BIN3: variants seen among roughly 807,000 people sequenced by gnomAD.
BIN3 encodes the protein bridging integrator 3.
Under a neutral mutation model 38.2 loss-of-function variants are expected in BIN3, and 41 were observed. That is an observed-to-expected ratio of 1.07 (90% CI 0.84 to 1.39). The LOEUF is 1.39. Among genes scored for constraint, BIN3 ranks in the 40% most tolerant of loss-of-function variants. The pLI, the probability that BIN3 is intolerant of heterozygous loss-of-function variation, is 0.00. For synonymous variants in BIN3, 145 were observed against 122.6 expected (o/e 1.18, Z -1.21); for missense variants, 361 against 324.3 (o/e 1.11, Z -0.87).
chr8:22,628,356 G>A (rs1277662435), intron 6 of BIN3, among the ~76,000 whole-genome samples: 1 of 152,236 alleles, frequency 6.6e-6, no homozygotes, highest in Non-Finnish European at 1.5e-5. Context: ...GTCCCTGGGA[G>A]CTTCTCTTCT....
intron 1 of BIN3, among the ~76,000 whole-genome samples, chr8:22,655,423 G>A (rs1484687273): frequency 2.6e-5 from 4 of 152,196 alleles, no homozygotes; most frequent in African/African-American, 9.6e-5. Flanking sequence ...TTACATTTAG[G>A]TCATTGATCC....
At chr8:22,632,588 A>C (rs1227196431) in intron 4 of BIN3, among the ~76,000 whole-genome samples, 3 of 152,162 alleles carry the variant, frequency 2.0e-5, no homozygotes, top group Non-Finnish European at 4.4e-5. Flanking sequence ...AAGATAATAA[A>C]ATTCTGGATA....
intron 4 of BIN3, among the ~76,000 whole-genome samples, chr8:22,632,399 A>C (rs1802231961): frequency 6.6e-6 from 1 of 152,230 alleles, no homozygotes; most frequent in South Asian, 2.1e-4. Flanking sequence ...AGAGTGCTAC[A>C]GTCAACCAGC....
Position 22,630,444 on chromosome 8 carries a change from T to C in BIN3, c.295A>G (p.Lys99Glu). ...ACCCCACACCAAGACCTAGTCACCTTTTCCTGATTGAAGGCATCCATCCGC... is the reference window on the plus strand; with the variant it reads ...ACCCCACACCAAGACCTAGTCACCTCTTCCTGATTGAAGGCATCCATCCGC... ...MKRMDAFNQE[K>E]VNQIQKTVIE... Residue 99 changes from lysine to glutamate, a missense_variant and splice_region_variant, in exon 5 of 9, where the codon AAG (lysine) becomes GAG (glutamate). By Grantham distance (56) the Lys-to-Glu change is moderately conservative. Coordinates refer to ENST00000276416, the MANE Select transcript of BIN3 (RefSeq NM_018688.6). 3 of 1,613,928 alleles carry C rather than the reference T, an allele frequency of 1.9e-6. No homozygotes were observed. The East Asian group carries it at 6.7e-5, about 36-fold the overall frequency.
chr8:22,667,266 C>T (rs943624866), intron 1 of BIN3, among the ~76,000 whole-genome samples: 33 of 152,086 alleles, frequency 2.2e-4, no homozygotes, highest in African/African-American at 7.5e-4. Context: ...TCTCTCCAAC[C>T]TGACAGGATA....
chr8:22,627,330 T>C (rs1256080159), intron 6 of BIN3, among the ~76,000 whole-genome samples: 1 of 139,602 alleles, frequency 7.2e-6, no homozygotes, highest in Non-Finnish European at 1.6e-5. Context: ...CAGGACTCTG[T>C]CACATCTGCC....
intron 1 of BIN3, among the ~76,000 whole-genome samples, chr8:22,664,788 T>C (rs1003603306): frequency 6.6e-6 from 1 of 152,304 alleles, no homozygotes; most frequent in South Asian, 2.1e-4. Flanking sequence ...GACATAAGCA[T>C]GAAGTCAGAC....
intron 1 of BIN3, among the ~76,000 whole-genome samples, chr8:22,650,885 T>C (rs942674440): frequency 1.3e-4 from 20 of 152,224 alleles, no homozygotes; most frequent in African/African-American, 4.8e-4. Flanking sequence ...CTTCTCAATA[T>C]AGTTACAGTA....
At chr8:22,649,850 C>CACACACATACAT (rs1554571390) in intron 1 of BIN3, among the ~76,000 whole-genome samples, 2 of 120,552 alleles carry the variant, frequency 1.7e-5, no homozygotes, top group Non-Finnish European at 3.6e-5. Context: ...CACACACACA[C>CACACACATACAT]ACACACACCC....
intron 1 of BIN3, among the ~76,000 whole-genome samples, chr8:22,654,918 A>G (rs546142394): frequency 1.3e-5 from 2 of 152,178 alleles, no homozygotes; most frequent in Non-Finnish European, 2.9e-5. Flanking sequence ...TTTCCAAAGT[A>G]ATTGTATCAT....
At chr8:22,657,977 T>C (rs1329524126) in intron 1 of BIN3, among the ~76,000 whole-genome samples, 3 of 152,178 alleles carry the variant, frequency 2.0e-5, no homozygotes, top group African/African-American at 4.8e-5. Context: ...TTCGGGACTC[T>C]CCTCCCTCCT....
At chr8:22,646,708 G>T (rs903183850) in intron 1 of BIN3, among the ~76,000 whole-genome samples, 1 of 152,180 alleles carries the variant, frequency 6.6e-6, no homozygotes, top group African/African-American at 2.4e-5. Flanking sequence ...AAATGAAAAG[G>T]AAAGAAAAAA....
chr8:22,623,018 C>A (rs1339142166), intron 8 of BIN3, among the ~76,000 whole-genome samples: 1 of 152,200 alleles, frequency 6.6e-6, no homozygotes, highest in African/African-American at 2.4e-5. Context: ...TTCACGGCTG[C>A]GACTACGGGC....
chr8:22,638,091 C>A (rs1429532567), intron 2 of BIN3, among the ~76,000 whole-genome samples: 1 of 152,172 alleles, frequency 6.6e-6, no homozygotes, highest in African/African-American at 2.4e-5. Flanking sequence ...CTGGCTGCTC[C>A]CTGGGAATCC....
chr8:22,640,132 G>T (rs1802497916), intron 2 of BIN3, among the ~76,000 whole-genome samples: 1 of 152,160 alleles, frequency 6.6e-6, no homozygotes, highest in African/African-American at 2.4e-5. Context: ...CAAAGTGTTG[G>T]GATTATAGGC....
chr8:22,634,140 T>C (rs1370377903), intron 4 of BIN3, among the ~76,000 whole-genome samples: 1 of 152,198 alleles, frequency 6.6e-6, no homozygotes, highest in African/African-American at 2.4e-5. Context: ...AAGCAATGGC[T>C]CACAGCAGCT....
intron 1 of BIN3, among the ~76,000 whole-genome samples, chr8:22,662,681 G>A (rs538142757): frequency 1.3e-5 from 2 of 152,096 alleles, no homozygotes; most frequent in Non-Finnish European, 1.5e-5. Context: ...TCAAACTTGA[G>A]GTCTTTGCAG....
At chr8:22,668,696 C>A (rs570671166) in intron 1 of BIN3, among the ~76,000 whole-genome samples, 1 of 152,260 alleles carries the variant, frequency 6.6e-6, no homozygotes, top group South Asian at 2.1e-4. Context: ...GAGATGCCCA[C>A]AGGAGAGAAA....
In BIN3 at chr8:22,624,376, C is replaced by G; in HGVS notation, c.339-13G>C. Reference sequence around the variant, plus strand: ...GACACTGCCGAACCTGTGGGACAAGCTGGCTGGAGATGGGCCCGTTCTTGA... The same window carrying G: ...GACACTGCCGAACCTGTGGGACAAGGTGGCTGGAGATGGGCCCGTTCTTGA... On this transcript the variant is annotated splice_polypyrimidine_tract_variant and intron_variant, in intron 6 of 8. Transcript: ENST00000276416. 6.2e-7 allele frequency: 1 copy of G among 1,609,782 alleles called. No homozygotes were observed. The highest frequency in any genetic ancestry group is 1.1e-5 in the South Asian group (1 of 90,546).
Sources: allele counts gnomAD v4.1 joint callset (sites outside exome capture counted in the v4.1 genomes callset), GRCh38; gene constraint gnomAD v4.1.1; transcripts MANE v1.5; gene names NCBI Gene and HGNC (gene_info 2026-07-23, HGNC 2026-07-21).